The following NBPF19 variants were observed in gnomAD, a reference collection of about 807,000 sequenced individuals.
The protein encoded by NBPF19 is NBPF family member NBPF19.
A neutral mutation model predicts 45.9 loss-of-function variants in NBPF19; 30 were observed. That is an observed-to-expected ratio of 0.65 (90% confidence interval 0.49 to 0.89). NBPF19 has a LOEUF of 0.89. Ranked by LOEUF, NBPF19 falls within the 40% of genes least tolerant of loss-of-function variation. The pLI is 0.00. For synonymous variants in NBPF19, 183 were observed against 181.2 expected, an observed-to-expected ratio of 1.01 and a Z score of -0.08; for missense variants, 495 against 471.8, an observed-to-expected ratio of 1.05 and a Z score of -0.46.
At chr1:149,553,928 G>T in intron 93 of NBPF19, 46 bp downstream of exon 93, 1 of 201,800 alleles carries the variant, frequency 5.0e-6, no homozygotes, top group East Asian at 1.1e-4. Flanking sequence ...TTAACACCTG[G>T]AGGCAACAGA....
In NBPF19 at chr1:149,554,528, T is replaced by A; in HGVS notation, c.11322T>A (p.Pro3774=). Residue 3774 remains proline (P), a synonymous_variant, in exon 94 of 94, where the codon CCT becomes CCA. Coordinates refer to ENST00000651566, the MANE Select transcript of NBPF19 (RefSeq NM_001351365.2). ...GCGTGCTGATGGAAGTGGAAGAGCC[T>A]GAAGTCTTACAGGACTCACTGGATG... ...LNSVLMEVEE[P]EVLQDSLDGC... The A allele has an allele frequency of 6.2e-7, 1 of 1,608,188 alleles. No homozygotes were observed. The highest frequency in any genetic ancestry group is 2.2e-5 in the East Asian group (1 of 44,844).
At chr1:149,488,389 C>T (rs1269309381) in intron 10 of NBPF19, among the ~76,000 whole-genome samples, 3 of 142,684 alleles carry the variant, frequency 2.1e-5, no homozygotes, top group Admixed American at 7.2e-5. Context: ...TCTTCCTAGT[C>T]TCAGGCCATA....
intron 19 of NBPF19, among the ~76,000 whole-genome samples, 187 bp from the exon 20 acceptor site, chr1:149,495,711 GTCTT>G (rs2086080187): frequency 1.6e-4 from 4 of 24,928 alleles, no homozygotes; most frequent in South Asian, 1.3e-3. Flanking sequence ...GTGTCCATCT[GTCTT>G]TCTCTTTCAT....
chr1:149,554,851 T>A lies in NBPF19; in HGVS notation c.*113T>A. The A allele has an allele frequency of 1.3e-6, 2 of 1,548,830 alleles. No individual in the cohort carries two copies. The highest frequency in any genetic ancestry group is 2.4e-5 in the South Asian group (2 of 83,494). The stretch of plus-strand genomic sequence containing the variant: ...GAAGCCCAGACATAGGATGGGTCAG[T>A]GGGCATGGCTCTTTTCCTATTCTCA... On this transcript the variant is annotated 3_prime_UTR_variant, in exon 94 of 94. Coordinates refer to ENST00000651566, the MANE Select transcript of NBPF19 (RefSeq NM_001351365.2).
rs1177885315 is a variant in NBPF19, at chr1:149,556,147, G to C, written c.*1409G>C. 5 of 147,662 alleles carry C rather than the reference G, an allele frequency of 3.4e-5. 1 individual carries two copies. Among genetic ancestry groups the C allele is most frequent in the African/African-American group, 1.0e-4 (4 of 39,934 alleles). 9.1% of individuals were successfully genotyped at this position (147,662 alleles called of 1,614,324 possible). A position where few individuals can be genotyped will look rare whatever the true frequency, so the allele number is the denominator to read the frequency against. On this transcript the variant is annotated 3_prime_UTR_variant, in exon 94 of 94. Coordinates refer to ENST00000651566, the MANE Select transcript of NBPF19 (RefSeq NM_001351365.2). ...GGGTCTCAATTTTTACTGTGCCTTT[G>C]TTTTTACTAGTGTCTGCTGTTGCAA... is the stretch of plus-strand genomic sequence containing the variant.
intron 61 of NBPF19, among the ~76,000 whole-genome samples, chr1:149,528,903 C>G (rs2086901617): frequency 1.6e-5 from 2 of 125,524 alleles, no homozygotes; most frequent in Non-Finnish European, 3.3e-5. Context: ...ACTCCCTCAT[C>G]AGTGTGTCAC....
intron 10 of NBPF19, 95 bp downstream of exon 10, chr1:149,488,280 G>C (rs1164853393): frequency 3.5e-6 from 2 of 570,494 alleles, no homozygotes; most frequent in African/African-American, 4.3e-5. Flanking sequence ...GCTGAGAGAT[G>C]TCATTGCCAC....
At chr1:149,528,072 AT>A (rs2086845188) in intron 60 of NBPF19, among the ~76,000 whole-genome samples, 1 of 107,718 alleles carries the variant, frequency 9.3e-6, no homozygotes, top group Admixed American at 9.8e-5. Flanking sequence ...CAGAACTATG[AT>A]TTGGACTCAA....
chr1:149,481,460 T>C (rs1315132863), intron 6 of NBPF19, among the ~76,000 whole-genome samples: 1 of 103,314 alleles, frequency 9.7e-6, no homozygotes, highest in Non-Finnish European at 1.9e-5. Context: ...AATGTTTCTT[T>C]GTAGCATCGT....
In NBPF19 at chr1:149,556,183, A is replaced by G. The variant is rs1156480972; in HGVS notation, c.*1445A>G. The G allele has an allele frequency of 2.7e-5, 4 of 147,132 alleles. No individual in the cohort carries two copies. Among genetic ancestry groups the G allele is most frequent in the Admixed American group, 1.4e-4 (2 of 14,588 alleles). 9.1% of individuals were successfully genotyped at this position (147,132 alleles called of 1,614,324 possible). A position where few individuals can be genotyped will look rare whatever the true frequency, so the allele number is the denominator to read the frequency against. On this transcript the variant is annotated 3_prime_UTR_variant, in exon 94 of 94. Coordinates refer to ENST00000651566, the MANE Select transcript of NBPF19 (RefSeq NM_001351365.2). ...TGTCTGCTGTTGCAAAAAGAAGAAAACATTCTCTGCCTGAGTTTTAATTTT... is the reference window on the plus strand; with the variant it reads ...TGTCTGCTGTTGCAAAAAGAAGAAAGCATTCTCTGCCTGAGTTTTAATTTT...
chr1:149,492,630 CA>C (rs2085893750), intron 15 of NBPF19, 137 bp from the exon 16 acceptor site: 1 of 583,666 alleles, frequency 1.7e-6, no homozygotes, highest in South Asian at 2.1e-5. Flanking sequence ...AACATAAAGG[CA>C]GTAATTTGTT....
intron 7 of NBPF19, among the ~76,000 whole-genome samples, chr1:149,484,508 A>G (rs1205521895): frequency 1.4e-5 from 2 of 145,954 alleles, no homozygotes; most frequent in Admixed American, 6.9e-5. Context: ...AAAAATATAT[A>G]TATATATACA....
Position 149,486,174 on chromosome 1 carries a change from G to A in NBPF19, c.869G>A (p.Trp290Ter). 2 of 460,312 alleles carry A rather than the reference G, an allele frequency of 4.3e-6. No homozygotes were observed. The highest frequency in any genetic ancestry group is 7.4e-6 in the Non-Finnish European group (2 of 270,770). The allele number at this position is 460,312 out of a possible 1,614,324, so 28.5% of individuals were successfully genotyped here. The change falls in exon 8 of 94, where the codon TGG becomes TAG. Residue 290 changes from tryptophan to a stop codon, truncating the protein, a stop_gained. Coordinates refer to ENST00000651566, the MANE Select transcript of NBPF19 (RefSeq NM_001351365.2). LOFTEE classifies it high-confidence loss of function. Reference sequence around the variant, plus strand: ...GAGGAGGAAGTCCCCCAGGAGTCCTGGGATGAAGGTTATTCGACTCTCTCA... The same window carrying A: ...GAGGAGGAAGTCCCCCAGGAGTCCTAGGATGAAGGTTATTCGACTCTCTCA... Reference protein sequence around the residue: ...SEEEEVPQESWDEGYSTLSIP... With the variant: ...SEEEEVPQES
rs1285678614 is a variant in NBPF19 at position 149,477,730 on chromosome 1, C to T, written c.176-215C>T. 1.1e-4 allele frequency among the ~76,000 whole-genome samples: 16 copies of T among 151,296 alleles called. 1 individual carries two copies. Among genetic ancestry groups the T allele is most frequent in the Middle Eastern group, 3.5e-3 (1 of 288 alleles). ...AATCATCTTGTCAACTTCCTTGATG[C>T]GCCCTTGAGTTTCTCTTTCTTCGTC... On this transcript the variant is annotated intron_variant, in intron 2 of 93. Transcript: ENST00000651566.
chr1:149,487,517 T>C (rs1233556492), intron 9 of NBPF19, 134 bp downstream of exon 9: 1 of 1,005,048 alleles, frequency 9.9e-7, no homozygotes, highest in Non-Finnish European at 1.6e-6. Flanking sequence ...ATACATTGCT[T>C]TTTTGTTCTC....
chr1:149,486,778 G>A (rs1481561637), intron 8 of NBPF19, among the ~76,000 whole-genome samples: 6 of 150,892 alleles, frequency 4.0e-5, no homozygotes, highest in African/African-American at 1.2e-4. Flanking sequence ...CCCATTTTCT[G>A]TGTCTTCTAA....
At chr1:149,521,118 C>G (rs1571039881) in intron 51 of NBPF19, among the ~76,000 whole-genome samples, 2 of 83,918 alleles carry the variant, frequency 2.4e-5, no homozygotes, top group East Asian at 7.4e-4. Flanking sequence ...CTCTCTCTCT[C>G]TCTCTCTCTG....
Position 149,554,829 on chromosome 1 carries a change from G to A in NBPF19, c.*91G>A. On this transcript the variant is annotated 3_prime_UTR_variant, in exon 94 of 94. Transcript: ENST00000651566. Reference sequence around the variant, plus strand: ...AATGAAACTACAGTTCCATTTGGAAGCCCAGACATAGGATGGGTCAGTGGG... The same window carrying A: ...AATGAAACTACAGTTCCATTTGGAAACCCAGACATAGGATGGGTCAGTGGG... The A allele has an allele frequency of 1.9e-6, 3 of 1,590,338 alleles. No individual in the cohort carries two copies. Among genetic ancestry groups the A allele is most frequent in the South Asian group, 1.1e-5 (1 of 88,948 alleles).
rs1198375261 is a variant in NBPF19 at position 149,488,429 on chromosome 1, C to T, written c.1213+244C>T. Reference sequence around the variant, plus strand: ...TGGCGCCCTAATCCTACTCTCATGACGTTGGACCTGGGCAGATGTGACAAA... The same window carrying T: ...TGGCGCCCTAATCCTACTCTCATGATGTTGGACCTGGGCAGATGTGACAAA... On this transcript the variant is annotated intron_variant, in intron 10 of 93. Transcript: ENST00000651566. Among the ~76,000 whole-genome samples the T allele has an allele frequency of 1.7e-3, 240 of 139,578 alleles. 4 individuals carry two copies. The highest frequency in any genetic ancestry group is 6.4e-3 in the African/African-American group (233 of 36,542). The allele number at this position is 139,578 out of a possible 152,430, so 91.6% of individuals were successfully genotyped here.
Sources: gnomAD v4.1 joint callset for allele counts (sites outside exome capture counted in the v4.1 genomes callset) on GRCh38, gnomAD v4.1.1 for gene constraint, MANE v1.5 for transcripts, NCBI Gene and HGNC (gene_info 2026-07-23, HGNC 2026-07-21) for gene names.